The following DNAH17 variants were observed in gnomAD, a reference collection of about 807,000 sequenced individuals.
DNAH17 encodes the protein dynein axonemal heavy chain 17.
DNAH17 carries 376 observed loss-of-function variants against 485.6 expected under a neutral mutation model. The ratio of observed to expected loss-of-function variants is 0.77; its 90% confidence interval spans 0.71 to 0.84. The LOEUF is 0.84. Ranked by LOEUF, DNAH17 falls within the 40% of genes least tolerant of loss-of-function variation. The pLI, the probability that DNAH17 is intolerant of heterozygous loss-of-function variation, is 0.00. For synonymous variants in DNAH17, 3,031 were observed against 2,405.9 expected, an observed-to-expected ratio of 1.26 and a Z score of -7.60; for missense variants, 6,370 against 5,839.3, an observed-to-expected ratio of 1.09 and a Z score of -2.96.
At chr17:78,543,674 C>G in intron 17 of DNAH17, 183 bp downstream of exon 17, 1 of 873,898 alleles carries the variant, frequency 1.1e-6, no homozygotes. Context: ...ATCCGCCCGA[C>G]TCAGCCTCCC....
chr17:78,446,341 T>A (rs2146478284), intron 69 of DNAH17, among the ~76,000 whole-genome samples: 1 of 152,216 alleles, frequency 6.6e-6, no homozygotes, highest in Non-Finnish European at 1.5e-5. Flanking sequence ...CATCGCCCCT[T>A]GCCTCTGAGA....
chr17:78,502,438 G>T, intron 33 of DNAH17, 153 bp downstream of exon 33: 2 of 645,498 alleles, frequency 3.1e-6, no homozygotes, highest in Non-Finnish European at 5.2e-6. Flanking sequence ...GCTGTTATTT[G>T]GCCTGTGGAA....
intron 48 of DNAH17, 35 bp from the exon 49 acceptor site, chr17:78,480,821 T>C (rs1341670750): frequency 6.6e-7 from 1 of 1,519,580 alleles, no homozygotes; most frequent in Non-Finnish European, 9.1e-7. Flanking sequence ...GTTGTGCCCC[T>C]GGCCTGGAGG....
chr17:78,460,444 G>A (rs2088062174), intron 58 of DNAH17, among the ~76,000 whole-genome samples, 187 bp from the exon 59 acceptor site: 1 of 152,188 alleles, frequency 6.6e-6, no homozygotes, highest in Non-Finnish European at 1.5e-5. Flanking sequence ...ATGTGCATAT[G>A]TGCATGTGTA....
intron 19 of DNAH17, among the ~76,000 whole-genome samples, chr17:78,536,174 T>C (rs2091368286): frequency 6.6e-6 from 1 of 152,120 alleles, no homozygotes. Context: ...GCACGGTGGC[T>C]CACACCTGTA....
chr17:78,552,956 G>A (rs2091936419), intron 14 of DNAH17, among the ~76,000 whole-genome samples, 151 bp from the exon 15 acceptor site: 1 of 152,174 alleles, frequency 6.6e-6, no homozygotes, highest in Non-Finnish European at 1.5e-5. Context: ...CCCCAGTGTT[G>A]GAGGTGGGGC....
At chr17:78,431,652 G>T (rs562483276) in intron 75 of DNAH17, among the ~76,000 whole-genome samples, 1 of 152,072 alleles carries the variant, frequency 6.6e-6, no homozygotes, top group Admixed American at 6.5e-5. Context: ...GTCACTCAGC[G>T]TGTAGCATGA....
chr17:78,433,088 C>G (rs922415894), intron 75 of DNAH17, among the ~76,000 whole-genome samples: 5 of 152,138 alleles, frequency 3.3e-5, no homozygotes, highest in African/African-American at 1.2e-4. Flanking sequence ...GAGCCAGGGT[C>G]CATGTCGCTA....
intron 15 of DNAH17, among the ~76,000 whole-genome samples, chr17:78,551,981 AT>A (rs985635574): frequency 7.3e-5 from 11 of 150,620 alleles, no homozygotes; most frequent in Non-Finnish European, 1.2e-4. Context: ...AAAAAAAAAA[AT>A]TCAGCAGGAT....
chr17:78,425,210 C>A (rs1190207011), intron 80 of DNAH17, 136 bp downstream of exon 80: 4 of 818,860 alleles, frequency 4.9e-6, no homozygotes, highest in African/African-American at 1.7e-5. Context: ...AGGCTGATGC[C>A]CCCTGAGAGC....
At chr17:78,444,043 T>C (rs1488918158) in intron 71 of DNAH17, among the ~76,000 whole-genome samples, 1 of 152,194 alleles carries the variant, frequency 6.6e-6, no homozygotes, top group Non-Finnish European at 1.5e-5. Context: ...TCTGGAGAAA[T>C]TGTTGGTGAA....
In DNAH17 at chr17:78,530,465, G is replaced by A; in HGVS notation, c.3162C>T (p.Asn1054=). ...KLYEEVSKCE[N]TKVFHGWLQC... is the part of the protein sequence containing the mutation. ...GCAGCCAGCCGTGGAACACCTTGGT[G>A]TTCTCGCACTTGGACACCTCCTCAT... is the stretch of plus-strand genomic sequence containing the variant. The change falls in exon 21 of 81, where the codon AAC becomes AAT. Residue 1054 remains asparagine, a synonymous_variant. Coordinates refer to ENST00000389840, the MANE Select transcript of DNAH17 (RefSeq NM_173628.4). The A allele has an allele frequency of 1.2e-6, 2 of 1,613,384 alleles. No homozygotes were observed. The highest frequency in any genetic ancestry group is 1.7e-6 in the Non-Finnish European group (2 of 1,179,548).
intron 57 of DNAH17, 36 bp downstream of exon 57, chr17:78,462,808 C>T (rs371449023): frequency 6.7e-5 from 107 of 1,604,926 alleles, no homozygotes; most frequent in African/African-American, 2.0e-4. Flanking sequence ...CTCCAGGGAA[C>T]GGCACAGGAG....
At chr17:78,432,179 AAAATAAATAAAT>A (rs569124752) in intron 75 of DNAH17, among the ~76,000 whole-genome samples, 10 of 149,750 alleles carry the variant, frequency 6.7e-5, no homozygotes, top group Admixed American at 2.7e-4. Flanking sequence ...CCCTGTCTCA[AAAATAAATAAAT>A]AAATAAATAA....
chr17:78,520,714 C>CA (rs907954673), intron 25 of DNAH17, among the ~76,000 whole-genome samples: 6 of 139,432 alleles, frequency 4.3e-5, no homozygotes, highest in African/African-American at 1.6e-4. Context: ...AATGAAATCA[C>CA]AAAAAAATCA....
In DNAH17 at chr17:78,427,058, G is replaced by A; in HGVS notation, c.12639C>T (p.Asn4213=). 6.3e-7 allele frequency: 1 copy of A among 1,598,324 alleles called. No homozygotes were observed. Among genetic ancestry groups the A allele is most frequent in the Non-Finnish European group, 8.5e-7 (1 of 1,172,666 alleles). The change falls in exon 78 of 81, where the codon AAC becomes AAT. Residue 4213 remains asparagine (N), a synonymous_variant. Coordinates refer to ENST00000389840, the MANE Select transcript of DNAH17 (RefSeq NM_173628.4). ...DILEKIPETF[N]MAEIMAKAAE... is the part of the protein sequence containing the mutation. Reference sequence around the variant, plus strand: ...CTGCCTTTGCCATGATCTCAGCCATGTTGAAAGTCTCCGGAATCTTCTCCA... The same window carrying A: ...CTGCCTTTGCCATGATCTCAGCCATATTGAAAGTCTCCGGAATCTTCTCCA...
rs1440090438 is a variant in DNAH17 at position 78,572,887 on chromosome 17, G to A, written c.353C>T (p.Ser118Phe). The A allele has an allele frequency of 3.7e-6, 6 of 1,613,430 alleles. No homozygotes were observed. The Admixed American group carries it at 1.0e-4, about 27-fold the overall frequency. Residue 118 changes from serine (S) to phenylalanine (F), a missense_variant, in exon 3 of 81, where the codon TCT (serine) becomes TTT (phenylalanine). Physicochemically the swap from Ser to Phe is radical, Grantham distance 155. Transcript: ENST00000389840. Reference sequence around the variant, plus strand: ...GTTCTCACTTTGGTTTAACAGAGAAGAGAGGACCTAAAAGGAAACACTTCT... The same window carrying A: ...GTTCTCACTTTGGTTTAACAGAGAAAAGAGGACCTAAAAGGAAACACTTCT... ...QLIAVVEEVL[S>F]SLLNQSENMA...
rs1177612830 is a variant in DNAH17 at position 78,537,326 on chromosome 17, C to T, written c.2832G>A (p.Arg944=). 2 of 1,583,038 alleles carry T rather than the reference C, an allele frequency of 1.3e-6. No homozygotes were observed. The highest frequency in any genetic ancestry group is 1.3e-5 in the African/African-American group (1 of 74,146). The change falls in exon 19 of 81, where the codon CGG becomes CGA. Residue 944 remains arginine, a synonymous_variant. Coordinates refer to ENST00000389840, the MANE Select transcript of DNAH17 (RefSeq NM_173628.4). The part of the protein sequence containing the change: ...DIYNVARLIP[R]LAKDRMNYKM... Reference sequence around the variant, plus strand: ...TGTAGTTCATCCTGTCCTTGGCCAGCCGAGGGATGAGCCTGGCTACGTTGT... The same window carrying T: ...TGTAGTTCATCCTGTCCTTGGCCAGTCGAGGGATGAGCCTGGCTACGTTGT...
At position 78,437,804 on chromosome 17, in the gene DNAH17, C is replaced by T; in HGVS notation, c.11870G>A (p.Gly3957Asp). ...LDKKLEHYST[G>D]SHEDYRVFIS... Reference sequence around the variant, plus strand: ...GAACACCCGGTAGTCCTCATGGCTGCCCGTGCTGTAGTGCTCCAGCTTCTT... The same window carrying T: ...GAACACCCGGTAGTCCTCATGGCTGTCCGTGCTGTAGTGCTCCAGCTTCTT... Residue 3957 changes from glycine (G) to aspartate (D), a missense_variant, in exon 74 of 81, where the codon GGC becomes GAC. Coordinates refer to ENST00000389840, the MANE Select transcript of DNAH17 (RefSeq NM_173628.4). The T allele has an allele frequency of 6.2e-7, 1 of 1,612,490 alleles. No individual in the cohort carries two copies. Among genetic ancestry groups the T allele is most frequent in the Admixed American group, 1.7e-5 (1 of 59,988 alleles).
Sources: gnomAD v4.1 joint callset for allele counts (sites outside exome capture counted in the v4.1 genomes callset) on GRCh38, gnomAD v4.1.1 for gene constraint, MANE v1.5 for transcripts, NCBI Gene and HGNC (gene_info 2026-07-23, HGNC 2026-07-21) for gene names.